The following KCNH5 variants were observed in gnomAD, a reference collection of about 807,000 sequenced individuals.
The protein encoded by KCNH5 is potassium voltage-gated channel subfamily H member 5, also known as voltage-gated delayed rectifier potassium channel KCNH5.
In KCNH5, 46 loss-of-function variants were observed where a neutral mutation model predicts 96.1. The observed-to-expected ratio is 0.48, with a 90% CI of 0.38 to 0.61. The LOEUF (loss-of-function observed/expected upper bound fraction) is 0.61. KCNH5 is among the 20% of genes least tolerant of loss of function. The probability of loss-of-function intolerance (pLI) is 0.00; values close to 1 mark genes in which losing one functional copy is unlikely to be tolerated. For missense variants in KCNH5, 907 were observed against 1,225.8 expected (o/e 0.74, Z 3.88); for synonymous variants, 439 against 449.8 (o/e 0.98, Z 0.30).
chr14:62,742,883 G>T (rs1351690835), intron 10 of KCNH5, among the ~76,000 whole-genome samples: 2 of 152,120 alleles, frequency 1.3e-5, no homozygotes, highest in Non-Finnish European at 2.9e-5. Context: ...CAGAGATACT[G>T]AATCGTAGTG....
intron 9 of KCNH5, among the ~76,000 whole-genome samples, chr14:62,800,431 G>C (rs375442588): frequency 1.2e-4 from 19 of 152,248 alleles, no homozygotes; most frequent in Middle Eastern, 3.4e-3. Flanking sequence ...TGTCTCATTT[G>C]AGCAGACCCA....
At position 62,932,339 on chromosome 14, in the gene KCNH5, A is replaced by C. The variant is rs539906913; in HGVS notation, c.1369+17794T>G. On this transcript the variant is annotated intron_variant, in intron 7 of 10. Transcript: ENST00000322893. The stretch of plus-strand genomic sequence containing the variant: ...TGCTATGAGAAGGAACACAGAGAAA[A>C]GGCAAGAGCTCTTGGAAATTAACGT... 2.8e-4 allele frequency among the ~76,000 whole-genome samples: 42 copies of C among 152,208 alleles called. 2 individuals carry two copies. In the South Asian group the frequency reaches 8.3e-3, roughly 30 times the overall value.
At chr14:62,738,524 A>T (rs529170896) in intron 10 of KCNH5, among the ~76,000 whole-genome samples, 6 of 152,276 alleles carry the variant, frequency 3.9e-5, no homozygotes, top group African/African-American at 1.4e-4. Context: ...AAAACATTTT[A>T]AAATGTCATA....
At position 62,939,794 on chromosome 14, in the gene KCNH5, G is replaced by C. The variant is rs547331050; in HGVS notation, c.1369+10339C>G. ...CAACTCTACTAAAATTACAAAATTAGCCAGACGTGGTGGTGCATGCCCGTA... is the reference window on the plus strand; with the variant it reads ...CAACTCTACTAAAATTACAAAATTACCCAGACGTGGTGGTGCATGCCCGTA... On this transcript the variant is annotated intron_variant, in intron 7 of 10. Coordinates refer to ENST00000322893, the MANE Select transcript of KCNH5 (RefSeq NM_139318.5). 3.9e-5 allele frequency among the ~76,000 whole-genome samples: 6 copies of C among 152,150 alleles called. No homozygotes were observed. In the East Asian group the frequency reaches 1.2e-3, roughly 29 times the overall value.
intron 7 of KCNH5, among the ~76,000 whole-genome samples, chr14:62,861,163 C>A (rs1191519035): frequency 6.6e-6 from 1 of 152,174 alleles, no homozygotes; most frequent in African/African-American, 2.4e-5. Flanking sequence ...CACCAACACA[C>A]AACTTTATGT....
At chr14:62,842,856 A>G in intron 8 of KCNH5, among the ~76,000 whole-genome samples, 1 of 152,344 alleles carries the variant, frequency 6.6e-6, no homozygotes. Flanking sequence ...TTATACTATA[A>G]TTCTTTTTAT....
At chr14:62,761,022 C>A (rs1353974118) in intron 10 of KCNH5, among the ~76,000 whole-genome samples, 2 of 152,102 alleles carry the variant, frequency 1.3e-5, no homozygotes, top group East Asian at 1.9e-4. Context: ...ACCATAAACA[C>A]CTTGAAATCC....
At chr14:62,874,279 GA>G (rs1007583854) in intron 7 of KCNH5, among the ~76,000 whole-genome samples, 47 of 150,028 alleles carry the variant, frequency 3.1e-4, no homozygotes, top group African/African-American at 9.0e-4. Context: ...AAATTTACAA[GA>G]AAAAAAAACC....
At chr14:62,812,804 T>C (rs894938144) in intron 8 of KCNH5, among the ~76,000 whole-genome samples, 4 of 152,146 alleles carry the variant, frequency 2.6e-5, no homozygotes, top group African/African-American at 9.6e-5. Context: ...TATCTATGTG[T>C]AGATACCATC....
Position 62,777,995 on chromosome 14 carries a change from G to A in KCNH5, c.2019+1733C>T, listed in dbSNP as rs190581563. 1.4e-3 allele frequency among the ~76,000 whole-genome samples: 208 copies of A among 152,238 alleles called. 1 individual carries two copies. The highest frequency in any genetic ancestry group is 4.8e-3 in the African/African-American group (200 of 41,544). On this transcript the variant is annotated intron_variant, in intron 10 of 10. Coordinates refer to ENST00000322893, the MANE Select transcript of KCNH5 (RefSeq NM_139318.5). ...GTTTGATATTAATCCCTCTGGGCCT[G>A]AGTATTCTCATGTGATTTGAAGGAA... is the stretch of plus-strand genomic sequence containing the variant.
chr14:62,831,080 C>T (rs1279400859), intron 8 of KCNH5, among the ~76,000 whole-genome samples: 3 of 152,182 alleles, frequency 2.0e-5, no homozygotes, highest in Non-Finnish European at 4.4e-5. Flanking sequence ...ATCCACCGGC[C>T]TCAGTCCTGT....
chr14:62,889,561 C>T (rs902844300), intron 7 of KCNH5, among the ~76,000 whole-genome samples: 1 of 152,308 alleles, frequency 6.6e-6, no homozygotes, highest in African/African-American at 2.4e-5. Context: ...CAGAGCCGGC[C>T]TGGAGTTTTA....
intron 7 of KCNH5, among the ~76,000 whole-genome samples, chr14:62,941,214 A>G (rs1227877106): frequency 2.0e-5 from 3 of 152,258 alleles, no homozygotes; most frequent in African/African-American, 7.2e-5. Context: ...CGTTCAGGCT[A>G]GTTAATAGGC....
chr14:63,019,110 A>C (rs183519716), intron 1 of KCNH5, among the ~76,000 whole-genome samples: 1 of 151,954 alleles, frequency 6.6e-6, no homozygotes, highest in Admixed American at 6.6e-5. Context: ...AAAAAAAAAC[A>C]AAAGAGAGCA....
chr14:62,746,751 C>A (rs565123308), intron 10 of KCNH5, among the ~76,000 whole-genome samples: 5 of 152,262 alleles, frequency 3.3e-5, no homozygotes, highest in African/African-American at 1.2e-4. Flanking sequence ...AAATGAGCAA[C>A]TTTTCTTGAA....
intron 8 of KCNH5, among the ~76,000 whole-genome samples, chr14:62,808,289 T>C (rs1355759182): frequency 1.3e-5 from 2 of 152,062 alleles, no homozygotes; most frequent in Non-Finnish European, 2.9e-5. Flanking sequence ...TTAAACAGGT[T>C]GTGGAAGGTT....
chr14:63,024,208 C>CAAAAAAAAAAAAAAAAAA (rs574336970), intron 1 of KCNH5, among the ~76,000 whole-genome samples: 46 of 140,250 alleles, frequency 3.3e-4, no homozygotes, highest in African/African-American at 4.7e-4. Flanking sequence ...GACTCCATCT[C>CAAAAAAAAAAAAAAAAAA]AAAAAATATA....
At chr14:62,998,755 C>T (rs1890956622) in intron 4 of KCNH5, among the ~76,000 whole-genome samples, 1 of 152,000 alleles carries the variant, frequency 6.6e-6, no homozygotes, top group Admixed American at 6.6e-5. Flanking sequence ...CAGGATCTTC[C>T]AGATATCTTT....
chr14:62,861,637 TACACACACACACACACAC>T (rs142699720), intron 7 of KCNH5, among the ~76,000 whole-genome samples: 8 of 141,902 alleles, frequency 5.6e-5, no homozygotes, highest in East Asian at 2.0e-4. Flanking sequence ...CATCTCCATT[TACACACACACACACACAC>T]ACACACACAC....
Sources: allele counts gnomAD v4.1 joint callset (sites outside exome capture counted in the v4.1 genomes callset), GRCh38; gene constraint gnomAD v4.1.1; transcripts MANE v1.5; gene names NCBI Gene and HGNC (gene_info 2026-07-23, HGNC 2026-07-21).